Variants in DMXL1 observed in about 807,000 individuals in gnomAD.
DMXL1 encodes the protein Dmx like 1.
Under a neutral mutation model 319.2 loss-of-function variants are expected in DMXL1, and 99 were observed. The ratio of observed to expected loss-of-function variants is 0.31; its 90% CI spans 0.26 to 0.37. The LOEUF (loss-of-function observed/expected upper bound fraction) is 0.37, where lower values mean the gene tolerates loss of function less well. DMXL1 is among the 10% of genes least tolerant of loss of function. DMXL1 has a pLI of 1.00. For missense variants in DMXL1, 3,745 were observed against 3,595.6 expected (o/e 1.04, Z -1.06); for synonymous variants, 1,385 against 1,235.2 (o/e 1.12, Z -2.54).
At chr5:119,120,905 A>G (rs1761896694) in intron 8 of DMXL1, 66 bp from the exon 9 acceptor site, 3 of 1,249,588 alleles carry the variant, frequency 2.4e-6, no homozygotes, top group East Asian at 5.3e-5. Flanking sequence ...TCTGACAATC[A>G]TTATATAACC....
At chr5:119,093,230 C>T (rs1755192182) in intron 1 of DMXL1, among the ~76,000 whole-genome samples, 1 of 152,140 alleles carries the variant, frequency 6.6e-6, no homozygotes, top group South Asian at 2.1e-4. Flanking sequence ...GTCACCCAGG[C>T]TGGAGTGCAG....
chr5:119,229,678 A>T (rs1036337012), intron 38 of DMXL1, among the ~76,000 whole-genome samples: 1 of 152,176 alleles, frequency 6.6e-6, no homozygotes, highest in Non-Finnish European at 1.5e-5. Context: ...TTCCTGACAT[A>T]CAAAATTATT....
At chr5:119,175,452 A>G in intron 26 of DMXL1, 115 bp downstream of exon 26, 3 of 708,788 alleles carry the variant, frequency 4.2e-6, no homozygotes, top group Non-Finnish European at 6.6e-6. Flanking sequence ...TGCAAAAAGC[A>G]TATGGTTGAG....
intron 1 of DMXL1, among the ~76,000 whole-genome samples, chr5:119,075,909 GCAA>G (rs147321899): frequency 2.1e-3 from 317 of 152,178 alleles, no homozygotes; most frequent in East Asian, 0.016. Context: ...TTTATAAAAG[GCAA>G]CAAGTTAAAA....
At chr5:119,124,208 G>C (rs60098041) in intron 9 of DMXL1, among the ~76,000 whole-genome samples, 5 of 151,754 alleles carry the variant, frequency 3.3e-5, no homozygotes, top group Admixed American at 3.3e-4. Context: ...CCAGCTACTT[G>C]GGAGGCTGGG....
In DMXL1 at chr5:119,149,517, A is replaced by G. The variant is rs999403084; in HGVS notation, c.3690A>G (p.Gly1230=). 6.2e-7 allele frequency: 1 copy of G among 1,613,912 alleles called. No homozygotes were observed. Residue 1230 remains glycine (G), a synonymous_variant, in exon 18 of 44, where the codon GGA becomes GGG. Transcript: ENST00000539542. ...SWVRDGILVV[G]MDCEMHVYCQ... is the part of the protein sequence containing the mutation. ...TCCGGGATGGCATCCTTGTGGTAGG[A>G]ATGGACTGTGAAATGCATGTGTATT...
chr5:119,158,205 G>GTTT (rs762291035), intron 19 of DMXL1, among the ~76,000 whole-genome samples: 1 of 128,994 alleles, frequency 7.8e-6, no homozygotes. Flanking sequence ...TATTTCTAAG[G>GTTT]TTTTTTTTTT....
chr5:119,111,096 A>T (rs1759485729), intron 5 of DMXL1, among the ~76,000 whole-genome samples: 1 of 152,214 alleles, frequency 6.6e-6, no homozygotes, highest in South Asian at 2.1e-4. Flanking sequence ...GCCTTAAGAT[A>T]GTCTTTTATA....
Position 119,118,896 on chromosome 5 carries a change from T to G in DMXL1, c.825T>G (p.Asp275Glu), listed in dbSNP as rs1761425304. Residue 275 changes from aspartate (D) to glutamate (E), a missense_variant, in exon 8 of 44, where the codon GAT becomes GAG. Coordinates refer to ENST00000539542, the MANE Select transcript of DMXL1 (RefSeq NM_001290321.3). ...RLWVETFLPNDCLLYGGDCSH... is the reference protein window; with the variant it reads ...RLWVETFLPNECLLYGGDCSH... ...GGGTAGAGACATTTTTACCAAATGA[T>G]TGTTTGCTATACGGAGGTGACTGCA... 6.2e-7 allele frequency: 1 copy of G among 1,614,044 alleles called. No homozygotes were observed. Among genetic ancestry groups the G allele is most frequent in the Non-Finnish European group, 8.5e-7 (1 of 1,179,946 alleles).
Position 119,197,846 on chromosome 5 carries a change from T to C in DMXL1, c.7635T>C (p.Gly2545=). The change falls in exon 32 of 44, where the codon GGT becomes GGC. Residue 2545 remains glycine (G), a synonymous_variant. Transcript: ENST00000539542. The part of the protein sequence containing the change: ...QVLLRRLEIH[G]GPPQNYIASH... ...TTCTCCGACGACTTGAAATCCATGG[T>C]GGGCCACCTCAAAATTATATCGCAA... The C allele has an allele frequency of 6.2e-7, 1 of 1,614,186 alleles. No individual in the cohort carries two copies. The highest frequency in any genetic ancestry group is 1.1e-5 in the South Asian group (1 of 91,088).
chr5:119,199,086 C>T (rs1234062390), intron 32 of DMXL1, among the ~76,000 whole-genome samples: 1 of 152,138 alleles, frequency 6.6e-6, no homozygotes, highest in African/African-American at 2.4e-5. Flanking sequence ...CAGGGTTTCA[C>T]CTTGTTACTC....
chr5:119,166,119 G>A (rs73242965), intron 21 of DMXL1, among the ~76,000 whole-genome samples: 26 of 152,246 alleles, frequency 1.7e-4, no homozygotes, highest in African/African-American at 6.0e-4. Flanking sequence ...ATCATAAATA[G>A]TTCATCATTT....
chr5:119,132,247 T>G (rs1323485913), intron 10 of DMXL1, among the ~76,000 whole-genome samples: 1 of 152,226 alleles, frequency 6.6e-6, no homozygotes, highest in East Asian at 1.9e-4. Context: ...ATAGGCTCTT[T>G]ATTATTATAA....
chr5:119,202,766 G>A (rs552273163), intron 32 of DMXL1, among the ~76,000 whole-genome samples: 77 of 150,638 alleles, frequency 5.1e-4, no homozygotes, highest in African/African-American at 1.5e-3. Flanking sequence ...CAGGAGAATC[G>A]CTTGAACCCA....
intron 2 of DMXL1, among the ~76,000 whole-genome samples, chr5:119,099,907 G>A (rs970882518): frequency 7.9e-5 from 12 of 152,086 alleles, no homozygotes; most frequent in Admixed American, 6.6e-5. Flanking sequence ...AAGCTGAGGC[G>A]GGAGAATCAC....
intron 6 of DMXL1, among the ~76,000 whole-genome samples, chr5:119,115,450 G>A (rs941912383): frequency 1.3e-5 from 2 of 152,168 alleles, no homozygotes; most frequent in African/African-American, 4.8e-5. Context: ...TTCACGAGCT[G>A]CTAATAAGTC....
chr5:119,227,246 T>C (rs1785758855), intron 38 of DMXL1, among the ~76,000 whole-genome samples: 1 of 147,274 alleles, frequency 6.8e-6, no homozygotes, highest in Non-Finnish European at 1.5e-5. Context: ...GTGTTTTCCC[T>C]GTTTAATTTT....
chr5:119,191,759 A>G (rs1005673914), intron 29 of DMXL1, among the ~76,000 whole-genome samples: 12 of 152,202 alleles, frequency 7.9e-5, no homozygotes, highest in Non-Finnish European at 1.6e-4. Flanking sequence ...CCTGTCTGGC[A>G]GGGCATCAGA....
In DMXL1 at chr5:119,071,370, C is replaced by A; in HGVS notation, c.-200C>A. 3.6e-6 allele frequency: 2 copies of A among 559,886 alleles called. No individual in the cohort carries two copies. Among genetic ancestry groups the A allele is most frequent in the East Asian group, 6.7e-5 (2 of 29,834 alleles). The allele number at this position is 559,886 out of a possible 1,614,324, so 34.7% of individuals were successfully genotyped here. A position where few individuals can be genotyped will look rare whatever the true frequency, so the allele number is the denominator to read the frequency against. On this transcript the variant is annotated 5_prime_UTR_variant, in exon 1 of 44. Transcript: ENST00000539542. Reference sequence around the variant, plus strand: ...GGCGCTCCGCCCTCTCGCCGACCCGCCCCCTCCGGGCCTCGCCCTCCGGGG... The same window carrying A: ...GGCGCTCCGCCCTCTCGCCGACCCGACCCCTCCGGGCCTCGCCCTCCGGGG...
Sources: allele counts gnomAD v4.1 joint callset (sites outside exome capture counted in the v4.1 genomes callset), GRCh38; gene constraint gnomAD v4.1.1; transcripts MANE v1.5; gene names NCBI Gene and HGNC (gene_info 2026-07-23, HGNC 2026-07-21).